BTBD1: variants seen among roughly 807,000 people sequenced by gnomAD.
BTBD1 encodes BTB/POZ domain-containing protein 1.
A neutral mutation model predicts 48.0 loss-of-function variants in BTBD1; 34 were observed. That is an observed-to-expected ratio of 0.71 (90% CI 0.54 to 0.94). BTBD1 has a LOEUF of 0.94. Among genes scored for constraint, BTBD1 ranks in the 40% least tolerant of loss-of-function variants. The pLI, the probability that BTBD1 is intolerant of heterozygous loss-of-function variation, is 0.00. For missense variants in BTBD1, 543 were observed against 625.6 expected, an observed-to-expected ratio of 0.87 and a Z score of 1.41; for synonymous variants, 261 against 242.1, an observed-to-expected ratio of 1.08 and a Z score of -0.72.
At chr15:83,053,395 G>C (rs751712564) in intron 2 of BTBD1, among the ~76,000 whole-genome samples, 6 of 151,902 alleles carry the variant, frequency 3.9e-5, no homozygotes, top group Non-Finnish European at 5.9e-5. Flanking sequence ...ATAAGATACT[G>C]AAAAGTTTTT....
intron 4 of BTBD1, among the ~76,000 whole-genome samples, chr15:83,039,695 C>A (rs1020958036): frequency 6.6e-6 from 1 of 150,880 alleles, no homozygotes; most frequent in East Asian, 2.0e-4. Flanking sequence ...GGAGAATTGC[C>A]TGAACCCAGG....
At chr15:83,019,230 T>C (rs1280007300) in intron 6 of BTBD1, among the ~76,000 whole-genome samples, 11 of 152,016 alleles carry the variant, frequency 7.2e-5, no homozygotes, top group Admixed American at 3.3e-4. Context: ...TGGCTAATTT[T>C]TTTGTATTTT....
intron 3 of BTBD1, among the ~76,000 whole-genome samples, chr15:83,049,792 C>G (rs1249297015): frequency 6.6e-6 from 1 of 152,186 alleles, no homozygotes; most frequent in Non-Finnish European, 1.5e-5. Context: ...GACAACTCAT[C>G]TCTTACTATT....
At chr15:83,047,225 TAAATC>T (rs1176899049) in intron 3 of BTBD1, among the ~76,000 whole-genome samples, 1 of 152,000 alleles carries the variant, frequency 6.6e-6, no homozygotes, top group Non-Finnish European at 1.5e-5. Flanking sequence ...ACAAGGAAAA[TAAATC>T]AGAGCAAGAG....
intron 1 of BTBD1, among the ~76,000 whole-genome samples, chr15:83,065,615 G>C (rs868032077): frequency 6.6e-6 from 1 of 152,152 alleles, no homozygotes; most frequent in Non-Finnish European, 1.5e-5. Context: ...GTTCTACTCA[G>C]GCAGCTATTT....
At chr15:83,041,970 T>C in intron 3 of BTBD1, 45 bp from the exon 4 acceptor site, 1 of 1,558,836 alleles carries the variant, frequency 6.4e-7, no homozygotes, top group Non-Finnish European at 8.8e-7. Flanking sequence ...ATATTTTAGC[T>C]CTCTAACCAA....
At chr15:83,025,357 C>CAAA (rs767479917) in intron 5 of BTBD1, among the ~76,000 whole-genome samples, 319 of 63,534 alleles carry the variant, frequency 5.0e-3, no homozygotes, top group Non-Finnish European at 5.9e-3. Flanking sequence ...GACTCCATCA[C>CAAA]AAAAAAAAAA....
intron 4 of BTBD1, among the ~76,000 whole-genome samples, chr15:83,038,215 C>A (rs996240823): frequency 2.0e-5 from 3 of 152,010 alleles, no homozygotes; most frequent in African/African-American, 7.2e-5. Flanking sequence ...AAGCTGAGAG[C>A]CAAATCATGA....
intron 5 of BTBD1, among the ~76,000 whole-genome samples, chr15:83,028,215 TCAAA>T (rs1288196944): frequency 1.3e-5 from 2 of 152,332 alleles, no homozygotes; most frequent in East Asian, 1.9e-4. Context: ...GTTTATCATG[TCAAA>T]CAAGTATTCT....
chr15:83,047,473 T>C (rs1420024537), intron 3 of BTBD1, among the ~76,000 whole-genome samples: 1 of 152,202 alleles, frequency 6.6e-6, no homozygotes, highest in East Asian at 1.9e-4. Context: ...TTCTACCTAT[T>C]TACCAAAGAT....
chr15:83,030,442 A>C, intron 4 of BTBD1, 114 bp from the exon 5 acceptor site: 3 of 815,052 alleles, frequency 3.7e-6, no homozygotes, highest in East Asian at 5.1e-5. Context: ...ATAGGGGAAA[A>C]AAATCTTAGC....
chr15:83,030,529 G>T, intron 4 of BTBD1: 1 of 514,920 alleles, frequency 1.9e-6, no homozygotes, highest in South Asian at 2.8e-5. Context: ...AATGTTAAAA[G>T]CATTAATTAG....
intron 2 of BTBD1, among the ~76,000 whole-genome samples, chr15:83,055,419 G>A (rs1356313373): frequency 1.3e-5 from 2 of 151,520 alleles, no homozygotes; most frequent in East Asian, 1.9e-4. Flanking sequence ...CACCATGCTC[G>A]GCTAATTTTT....
At chr15:83,034,456 A>T (rs1467391799) in intron 4 of BTBD1, among the ~76,000 whole-genome samples, 20 of 152,124 alleles carry the variant, frequency 1.3e-4, no homozygotes, top group Admixed American at 5.2e-4. Context: ...TCTACTAAAA[A>T]TACAAAATTT....
At chr15:83,044,492 T>C (rs1567108977) in intron 3 of BTBD1, 4 of 1,577,780 alleles carry the variant, frequency 2.5e-6, no homozygotes, top group South Asian at 1.1e-5. Flanking sequence ...CCAAGCCAGA[T>C]TGTATCATCA....
At chr15:83,042,285 T>G (rs2032775578) in intron 3 of BTBD1, among the ~76,000 whole-genome samples, 1 of 149,044 alleles carries the variant, frequency 6.7e-6, no homozygotes, top group African/African-American at 2.5e-5. Context: ...AGATTATAAT[T>G]CATTCGTTCA....
chr15:83,026,240 G>C (rs985767847), intron 5 of BTBD1, among the ~76,000 whole-genome samples: 1 of 152,024 alleles, frequency 6.6e-6, no homozygotes, highest in Admixed American at 6.6e-5. Context: ...ATTGGTTCTA[G>C]TAGTTTTTTA....
intron 6 of BTBD1, 59 bp from the exon 7 acceptor site, chr15:83,018,912 AAAT>A: frequency 7.4e-7 from 1 of 1,348,848 alleles, no homozygotes; most frequent in Non-Finnish European, 1.0e-6. Flanking sequence ...AAACTATAGA[AAAT>A]AATATAAAGC....
rs974436608 is a variant in BTBD1 at position 83,045,510 on chromosome 15, C to G, written c.665-3585G>C. Among the ~76,000 whole-genome samples the G allele has an allele frequency of 1.3e-5, 2 of 151,156 alleles. 1 individual carries two copies. The highest frequency in any genetic ancestry group is 2.9e-5 in the Non-Finnish European group (2 of 67,952). The stretch of plus-strand genomic sequence containing the variant: ...CAAAACTCTGCCTCAAAAAAACAAA[C>G]AAACAAACAAAAAAAAACTTTTCTG... On this transcript the variant is annotated intron_variant, in intron 3 of 7. Transcript: ENST00000261721.
Sources: gnomAD v4.1 joint callset for allele counts (sites outside exome capture counted in the v4.1 genomes callset) on GRCh38, gnomAD v4.1.1 for gene constraint, MANE v1.5 for transcripts, NCBI Gene and HGNC (gene_info 2026-07-23, HGNC 2026-07-21) for gene names.